The following HEXB variants were observed in gnomAD, a reference collection of about 807,000 sequenced individuals.
HEXB encodes the protein hexosaminidase subunit beta, also known as beta-hexosaminidase subunit beta.
A neutral mutation model predicts 71.2 loss-of-function variants in HEXB; 51 were observed. That is an observed-to-expected ratio of 0.72 (90% confidence interval 0.57 to 0.90). The LOEUF is 0.90. HEXB is among the 40% of genes least tolerant of loss of function. HEXB has a pLI of 0.00. For synonymous variants in HEXB, 266 were observed against 249.3 expected (o/e 1.07, Z -0.63); for missense variants, 617 against 677.0 (o/e 0.91, Z 0.98).
intron 5 of HEXB, among the ~76,000 whole-genome samples, chr5:74,700,474 T>TA (rs546540764): frequency 6.6e-6 from 1 of 151,722 alleles, no homozygotes; most frequent in African/African-American, 2.4e-5. Flanking sequence ...TTTTTATATT[T>TA]AAAAAAAATT....
intron 6 of HEXB, among the ~76,000 whole-genome samples, chr5:74,713,292 C>A (rs1231675051): frequency 2.0e-5 from 3 of 152,120 alleles, no homozygotes; most frequent in African/African-American, 7.2e-5. Context: ...TGAGTATGTA[C>A]GACTTAGTAG....
At chr5:74,716,293 T>C (rs1198474784) in intron 8 of HEXB, among the ~76,000 whole-genome samples, 4 of 152,074 alleles carry the variant, frequency 2.6e-5, no homozygotes, top group Admixed American at 1.3e-4. Context: ...GGGCAATCAA[T>C]GATTAAATAG....
At chr5:74,706,344 G>A (rs958153909) in intron 6 of HEXB, among the ~76,000 whole-genome samples, 5 of 152,200 alleles carry the variant, frequency 3.3e-5, no homozygotes, top group East Asian at 1.9e-4. Flanking sequence ...AACAGCTCCC[G>A]TCTACAGCTC....
chr5:74,689,481 C>T lies in HEXB; in HGVS notation c.445+8C>T. The T allele has an allele frequency of 6.2e-7, 1 of 1,611,364 alleles. No individual in the cohort carries two copies. The highest frequency in any genetic ancestry group is 8.5e-7 in the Non-Finnish European group (1 of 1,177,568). On this transcript the variant is annotated splice_region_variant and intron_variant, in intron 2 of 13. Transcript: ENST00000261416. Reference sequence around the variant, plus strand: ...TATCTTCAGATGAGTCTTGTAAGTACCTATGCAATGTGAGTGTATTATATC... The same window carrying T: ...TATCTTCAGATGAGTCTTGTAAGTATCTATGCAATGTGAGTGTATTATATC...
In HEXB at chr5:74,710,579, A is replaced by C. The variant is rs868640297; in HGVS notation, c.772-2927A>C. ...AAAATCTCCTTAAGCTGATAAGCAA[A>C]TTCAGCAAAGTCTCAGGATACAAAA... On this transcript the variant is annotated intron_variant, in intron 6 of 13. Coordinates refer to ENST00000261416, the MANE Select transcript of HEXB (RefSeq NM_000521.4). Among the ~76,000 whole-genome samples, 220 of 152,240 alleles carry C rather than the reference A, an allele frequency of 1.4e-3. 1 individual carries two copies. The highest frequency in any genetic ancestry group is 4.6e-3 in the African/African-American group (191 of 41,528).
At chr5:74,706,762 C>T (rs1358093710) in intron 6 of HEXB, among the ~76,000 whole-genome samples, 2 of 152,144 alleles carry the variant, frequency 1.3e-5, no homozygotes, top group Non-Finnish European at 2.9e-5. Flanking sequence ...CCGCCATTGC[C>T]CAGGCTTGCT....
intron 1 of HEXB, among the ~76,000 whole-genome samples, chr5:74,667,056 A>G (rs187684682): frequency 3.8e-4 from 58 of 152,134 alleles, no homozygotes; most frequent in Admixed American, 4.6e-4. Flanking sequence ...CAGGTTGCGT[A>G]TATTACAGTG....
At chr5:74,710,704 A>G (rs1191891144) in intron 6 of HEXB, among the ~76,000 whole-genome samples, 2 of 151,868 alleles carry the variant, frequency 1.3e-5, no homozygotes, top group Non-Finnish European at 2.9e-5. Context: ...AGAGAATAAA[A>G]TACCTAGGAA....
Position 74,721,255 on chromosome 5 carries a change from CTG to C in HEXB, c.*82_*83del, listed in dbSNP as rs56312827. The stretch of plus-strand genomic sequence containing the variant: ...AAATCATGTAAAATAAGATATTAGA[CTG>C]TTTTTTGAATAAAATATTTTTATTG... On this transcript the variant is annotated 3_prime_UTR_variant, in exon 14 of 14. Coordinates refer to ENST00000261416, the MANE Select transcript of HEXB (RefSeq NM_000521.4). 0.11 allele frequency: 127,229 copies of C among 1,121,738 alleles called. 8,210 individuals carry two copies. Among genetic ancestry groups the C allele is most frequent in the East Asian group, 0.16 (6,374 of 40,922 alleles). 69.5% of individuals were successfully genotyped at this position (1,121,738 alleles called of 1,614,324 possible). A position where few individuals can be genotyped will look rare whatever the true frequency, so the allele number is the denominator to read the frequency against.
intron 5 of HEXB, among the ~76,000 whole-genome samples, chr5:74,700,537 T>G (rs1416295220): frequency 6.6e-6 from 1 of 151,994 alleles, no homozygotes; most frequent in Non-Finnish European, 1.5e-5. Context: ...TGTCAAATGA[T>G]CCTTCCACCT....
At chr5:74,665,804 CTG>C (rs1455010556) in intron 1 of HEXB, among the ~76,000 whole-genome samples, 3 of 151,978 alleles carry the variant, frequency 2.0e-5, no homozygotes, top group Non-Finnish European at 4.4e-5. Context: ...AGTTTAATGA[CTG>C]TTTAAATTAT....
intron 5 of HEXB, 30 bp downstream of exon 5, chr5:74,697,136 T>G (rs1749131666): frequency 9.8e-7 from 1 of 1,024,406 alleles, no homozygotes; most frequent in Non-Finnish European, 1.6e-6. Context: ...TAATCTGTTG[T>G]CTATTCTGAA....
At chr5:74,702,923 T>A (rs1749297274) in intron 5 of HEXB, among the ~76,000 whole-genome samples, 1 of 152,206 alleles carries the variant, frequency 6.6e-6, no homozygotes, top group Non-Finnish European at 1.5e-5. Context: ...ACTATGTTAT[T>A]CAGGATTGTA....
intron 5 of HEXB, among the ~76,000 whole-genome samples, chr5:74,699,119 G>T (rs956635864): frequency 5.9e-5 from 9 of 152,106 alleles, no homozygotes; most frequent in African/African-American, 2.2e-4. Context: ...GGGAGAGGGA[G>T]GTTGGAGTGA....
At chr5:74,688,194 A>G (rs945823193) in intron 1 of HEXB, among the ~76,000 whole-genome samples, 3 of 151,672 alleles carry the variant, frequency 2.0e-5, no homozygotes, top group Admixed American at 2.0e-4. Context: ...TTTATTTAAT[A>G]TTCTCTGATT....
intron 8 of HEXB, 64 bp downstream of exon 8, chr5:74,715,754 C>G: frequency 2.6e-6 from 3 of 1,160,958 alleles, no homozygotes; most frequent in Non-Finnish European, 3.9e-6. Context: ...CGGTGGCTCA[C>G]GCCTATAATC....
intron 11 of HEXB, chr5:74,720,203 T>TG: frequency 1.8e-6 from 1 of 560,266 alleles, no homozygotes; most frequent in Non-Finnish European, 3.2e-6. Flanking sequence ...CTGTGAACCG[T>TG]GGGTCAGGGC....
chr5:74,707,389 C>G (rs1026436997), intron 6 of HEXB, among the ~76,000 whole-genome samples: 3 of 152,198 alleles, frequency 2.0e-5, no homozygotes, highest in Non-Finnish European at 2.9e-5. Context: ...GAGCACCTCT[C>G]TTCTTCCAAA....
chr5:74,698,590 C>T (rs1749174610), intron 5 of HEXB, among the ~76,000 whole-genome samples: 1 of 149,578 alleles, frequency 6.7e-6, no homozygotes, highest in South Asian at 2.1e-4. Context: ...CAGGGTTTCA[C>T]CATGTTAGCC....
Sources: allele counts gnomAD v4.1 joint callset (sites outside exome capture counted in the v4.1 genomes callset), GRCh38; gene constraint gnomAD v4.1.1; transcripts MANE v1.5; gene names NCBI Gene and HGNC (gene_info 2026-07-23, HGNC 2026-07-21).